PCDH15: variants seen among roughly 807,000 people sequenced by gnomAD.
The protein encoded by PCDH15 is protocadherin related 15, also known as protocadherin-15.
PCDH15 carries 129 observed loss-of-function variants against 178.5 expected under a neutral mutation model. That is an observed-to-expected ratio of 0.72 (90% CI 0.63 to 0.84). The LOEUF is 0.84. Ranked by LOEUF, PCDH15 falls within the 40% of genes least tolerant of loss-of-function variation. The pLI, the probability that PCDH15 is intolerant of heterozygous loss-of-function variation, is 0.00. For missense variants in PCDH15, 2,230 were observed against 2,099.9 expected (o/e 1.06, Z -1.21); for synonymous variants, 800 against 732.0 (o/e 1.09, Z -1.50).
chr10:53,964,076 T>C (rs1468405996), intron 21 of PCDH15, among the ~76,000 whole-genome samples: 1 of 152,208 alleles, frequency 6.6e-6, no homozygotes, highest in East Asian at 1.9e-4. Context: ...AAGGCAATAG[T>C]CCTTTACCAG....
intron 1 of PCDH15, among the ~76,000 whole-genome samples, chr10:54,746,366 ATACAGT>A (rs1361684981): frequency 2.5e-4 from 3 of 12,190 alleles, no homozygotes; most frequent in Admixed American, 1.1e-3. Flanking sequence ...GGGTACAAAC[ATACAGT>A]TAGATGAATG....
At chr10:53,933,345 C>A (rs1224056284) in intron 25 of PCDH15, among the ~76,000 whole-genome samples, 1 of 146,112 alleles carries the variant, frequency 6.8e-6, no homozygotes, top group Non-Finnish European at 1.5e-5. Context: ...CCACAACAGT[C>A]CCCCGTGTGT....
chr10:54,904,428 C>G (rs1265712320), intron 2 of PCDH15, among the ~76,000 whole-genome samples: 2 of 151,658 alleles, frequency 1.3e-5, no homozygotes, highest in East Asian at 3.9e-4. Context: ...TAAATATTTT[C>G]CCTCCTAGGT....
chr10:54,799,021 G>A (rs1226230945), intron 1 of PCDH15, among the ~76,000 whole-genome samples: 1 of 152,002 alleles, frequency 6.6e-6, no homozygotes, highest in African/African-American at 2.4e-5. Flanking sequence ...TTTTGAGAAG[G>A]TTCATAATTT....
intron 2 of PCDH15, among the ~76,000 whole-genome samples, chr10:54,628,995 T>G (rs1189366626): frequency 6.6e-6 from 1 of 151,886 alleles, no homozygotes; most frequent in African/African-American, 2.4e-5. Context: ...CACACACAAT[T>G]TTTTTGGTAT....
intron 2 of PCDH15, among the ~76,000 whole-genome samples, chr10:55,595,721 C>T (rs186385894): frequency 1.3e-5 from 2 of 152,022 alleles, no homozygotes; most frequent in Non-Finnish European, 2.9e-5. Flanking sequence ...ATTAAAGAAC[C>T]TAGAAATTCA....
intron 5 of PCDH15, among the ~76,000 whole-genome samples, chr10:54,364,209 GA>G (rs34783984): frequency 0.55 from 77,103 of 140,544 alleles, 20,899 homozygotes; most frequent in Middle Eastern, 0.6. Flanking sequence ...GCAAAACTCT[GA>G]AAAAAAAAAA....
intron 6 of PCDH15, among the ~76,000 whole-genome samples, chr10:54,343,365 A>G (rs960535170): frequency 1.3e-5 from 2 of 151,956 alleles, no homozygotes; most frequent in Non-Finnish European, 2.9e-5. Context: ...GCCATGTAAG[A>G]TGTTCCTTCC....
chr10:54,829,556 G>A (rs963638854), intron 3 of PCDH15, among the ~76,000 whole-genome samples: 1 of 152,042 alleles, frequency 6.6e-6, no homozygotes, highest in Non-Finnish European at 1.5e-5. Context: ...TGCCAAAGTC[G>A]AACATCTAGT....
At chr10:55,234,140 A>G (rs1841306501) in intron 1 of PCDH15, among the ~76,000 whole-genome samples, 1 of 152,070 alleles carries the variant, frequency 6.6e-6, no homozygotes, top group Non-Finnish European at 1.5e-5. Context: ...ATATACACAC[A>G]TCAAATTAAA....
intron 2 of PCDH15, among the ~76,000 whole-genome samples, chr10:54,977,781 C>A (rs1839112146): frequency 6.6e-6 from 1 of 152,112 alleles, no homozygotes; most frequent in South Asian, 2.1e-4. Context: ...GGATCAGGAT[C>A]CCTTTCTGGT....
chr10:54,537,057 G>A (rs1195642678), intron 2 of PCDH15, among the ~76,000 whole-genome samples: 41 of 144,720 alleles, frequency 2.8e-4, no homozygotes, highest in Non-Finnish European at 1.9e-4. Flanking sequence ...GGAGTGCAGT[G>A]GTGCGATCTC....
At chr10:53,859,765 T>C (rs1338362974) in intron 27 of PCDH15, among the ~76,000 whole-genome samples, 1 of 152,150 alleles carries the variant, frequency 6.6e-6, no homozygotes, top group Non-Finnish European at 1.5e-5. Context: ...AGGCTGTATA[T>C]ACCAGAAATC....
intron 17 of PCDH15, 101 bp downstream of exon 17, chr10:54,079,230 C>T: frequency 1.7e-6 from 2 of 1,149,598 alleles, no homozygotes; most frequent in Non-Finnish European, 2.6e-6. Context: ...AGAAGTTGCT[C>T]CAGATGAAAA....
At chr10:54,066,010 G>C (rs975102200) in intron 18 of PCDH15, among the ~76,000 whole-genome samples, 14 of 152,230 alleles carry the variant, frequency 9.2e-5, no homozygotes, top group African/African-American at 3.4e-4. Context: ...CTCTGGGTTT[G>C]GAACATCTGG....
chr10:54,435,536 T>A (rs2075325026), intron 3 of PCDH15, among the ~76,000 whole-genome samples: 1 of 152,168 alleles, frequency 6.6e-6, no homozygotes, highest in African/African-American at 2.4e-5. Flanking sequence ...AAAAAATGAT[T>A]CCTTATTTTA....
rs1431942619 is a variant in PCDH15, at chr10:53,840,403, T to C, written c.3900A>G (p.Leu1300=). 1.2e-5 allele frequency: 19 copies of C among 1,613,958 alleles called. No individual in the cohort carries two copies. The highest frequency in any genetic ancestry group is 1.6e-5 in the Non-Finnish European group (19 of 1,179,958). ...GARRHGDAFS[L]EDYTKCDLTV... ...TCAAGTCACATTTGGTGTAATCTTCTAGGGAAAAGGCATCTCCATGCCGGC... is the reference window on the plus strand; with the variant it reads ...TCAAGTCACATTTGGTGTAATCTTCCAGGGAAAAGGCATCTCCATGCCGGC... Residue 1300 remains leucine, a synonymous_variant, in exon 29 of 38, where the codon CTA becomes CTG. Coordinates refer to ENST00000644397, the MANE Select transcript of PCDH15 (RefSeq NM_001384140.1).
At chr10:55,021,775 C>T (rs1200766553) in intron 2 of PCDH15, among the ~76,000 whole-genome samples, 2 of 152,124 alleles carry the variant, frequency 1.3e-5, no homozygotes, top group Non-Finnish European at 2.9e-5. Flanking sequence ...CAATTAAGAA[C>T]ATACCGTCAC....
chr10:54,974,053 TCTCTCA>T (rs1839003960), intron 2 of PCDH15, among the ~76,000 whole-genome samples: 1 of 147,956 alleles, frequency 6.8e-6, no homozygotes. Flanking sequence ...TCTCTCTCTC[TCTCTCA>T]CACACACACA....
Sources: allele counts gnomAD v4.1 joint callset (sites outside exome capture counted in the v4.1 genomes callset), GRCh38; gene constraint gnomAD v4.1.1; transcripts MANE v1.5; gene names NCBI Gene and HGNC (gene_info 2026-07-23, HGNC 2026-07-21).